The following SNX29 variants were observed in gnomAD, a reference collection of about 807,000 sequenced individuals.
SNX29 encodes sorting nexin 29.
A neutral mutation model predicts 102.1 loss-of-function variants in SNX29; 78 were observed. That is an observed-to-expected ratio of 0.76 (90% CI 0.64 to 0.92). The LOEUF (loss-of-function observed/expected upper bound fraction) is 0.92. SNX29 is among the 40% of genes least tolerant of loss of function. The pLI is 0.00. For synonymous variants in SNX29, 580 were observed against 414.5 expected, an observed-to-expected ratio of 1.40 and a Z score of -4.85; for missense variants, 1,280 against 1,061.7, an observed-to-expected ratio of 1.21 and a Z score of -2.86.
intron 18 of SNX29, among the ~76,000 whole-genome samples, chr16:12,455,679 G>A (rs1424301966): frequency 6.6e-6 from 1 of 152,240 alleles, no homozygotes; most frequent in Admixed American, 6.5e-5. Flanking sequence ...GCAGAAGGCT[G>A]GAGGAGGTGT....
intron 17 of SNX29, 114 bp from the exon 18 acceptor site, chr16:12,403,334 C>A: frequency 5.8e-6 from 5 of 860,070 alleles, no homozygotes; most frequent in East Asian, 7.6e-5. Context: ...TCATAAATTG[C>A]TTGTGCATAA....
intron 13 of SNX29, among the ~76,000 whole-genome samples, chr16:12,152,970 C>G (rs1810832889): frequency 6.6e-6 from 1 of 152,186 alleles, no homozygotes; most frequent in Admixed American, 6.5e-5. Context: ...TAGAACGTCC[C>G]CTGCCATCCA....
At chr16:12,224,291 C>T (rs1039762524) in intron 14 of SNX29, among the ~76,000 whole-genome samples, 5 of 152,122 alleles carry the variant, frequency 3.3e-5, no homozygotes, top group Non-Finnish European at 5.9e-5. Flanking sequence ...TTCCTCCCTC[C>T]TTCTTTCTCT....
chr16:12,243,444 A>G (rs1208115191), intron 14 of SNX29, among the ~76,000 whole-genome samples: 4 of 152,154 alleles, frequency 2.6e-5, no homozygotes, highest in African/African-American at 9.7e-5. Flanking sequence ...GAATTTATTA[A>G]TAGTTTAATA....
intron 1 of SNX29, among the ~76,000 whole-genome samples, chr16:11,992,744 C>T (rs2055902417): frequency 6.6e-6 from 1 of 152,208 alleles, no homozygotes; most frequent in African/African-American, 2.4e-5. Flanking sequence ...ACTCAAAGAG[C>T]ATTGCCTTCT....
intron 4 of SNX29, 91 bp downstream of exon 4, chr16:12,027,535 G>A (rs2057227923): frequency 6.7e-7 from 1 of 1,501,294 alleles, no homozygotes; most frequent in African/African-American, 1.4e-5. Context: ...GCAGGGCAGT[G>A]ATCGCGTGGG....
chr16:12,541,606 T>C (rs957032588), intron 20 of SNX29, among the ~76,000 whole-genome samples: 3 of 152,180 alleles, frequency 2.0e-5, no homozygotes, highest in African/African-American at 7.2e-5. Context: ...GGTCACACTC[T>C]GGGCCACATC....
chr16:12,120,031 C>G (rs1027231633), intron 11 of SNX29, among the ~76,000 whole-genome samples: 12 of 152,090 alleles, frequency 7.9e-5, no homozygotes, highest in African/African-American at 2.9e-4. Flanking sequence ...AGAATAGAAA[C>G]TCTGGGTGGG....
At chr16:12,448,035 G>A (rs1433703770) in intron 18 of SNX29, among the ~76,000 whole-genome samples, 1 of 152,182 alleles carries the variant, frequency 6.6e-6, no homozygotes, top group Non-Finnish European at 1.5e-5. Context: ...GCGTTCCCGG[G>A]ATTGTGCTGA....
At position 12,570,313 on chromosome 16, in the gene SNX29, C is replaced by T. The variant is rs753489438; in HGVS notation, c.*1684C>T. ...GCGAGTGTGGAGGACCCGAGACATC[C>T]TGTAAAGGCAACTTGGTCTCCCTCC... On this transcript the variant is annotated 3_prime_UTR_variant, in exon 21 of 21. Coordinates refer to ENST00000566228, the MANE Select transcript of SNX29 (RefSeq NM_032167.5). 2.9e-5 allele frequency: 29 copies of T among 992,594 alleles called. No individual in the cohort carries two copies. Among genetic ancestry groups the T allele is most frequent in the Middle Eastern group, 8.9e-4 (2 of 2,246 alleles). 61.5% of individuals were successfully genotyped at this position (992,594 alleles called of 1,614,324 possible).
intron 13 of SNX29, among the ~76,000 whole-genome samples, chr16:12,170,168 G>A (rs1358710508): frequency 6.6e-6 from 1 of 152,070 alleles, no homozygotes; most frequent in Non-Finnish European, 1.5e-5. Flanking sequence ...GTCCCCTGGG[G>A]TTGAAATTGC....
chr16:12,449,560 C>T (rs1369755040), intron 18 of SNX29, among the ~76,000 whole-genome samples: 1 of 152,086 alleles, frequency 6.6e-6, no homozygotes, highest in East Asian at 1.9e-4. Context: ...CTTGGGGTAA[C>T]CTGGCTGCAG....
intron 18 of SNX29, among the ~76,000 whole-genome samples, chr16:12,476,393 T>TATATATATAC (rs2087620788): frequency 6.2e-5 from 1 of 16,070 alleles, no homozygotes; most frequent in Non-Finnish European, 9.1e-5. Context: ...AATATATATA[T>TATATATATAC]ATATATATAT....
intron 14 of SNX29, among the ~76,000 whole-genome samples, chr16:12,244,420 C>G (rs1256993503): frequency 3.3e-5 from 5 of 152,076 alleles, no homozygotes; most frequent in African/African-American, 1.2e-4. Flanking sequence ...ACCAGCCTGG[C>G]CAACATGGAG....
intron 15 of SNX29, among the ~76,000 whole-genome samples, chr16:12,332,245 T>C (rs2081311909): frequency 1.3e-5 from 2 of 152,002 alleles, no homozygotes; most frequent in Non-Finnish European, 2.9e-5. Flanking sequence ...TGCGTCCTTG[T>C]GTGTGTTTGT....
rs1187626152 is a variant in SNX29 at position 12,408,168 on chromosome 16, AC to A, written c.2037+4640del. The stretch of plus-strand genomic sequence containing the variant: ...AGCAGGACCCTTCTCAAAAAAACAA[AC>A]AAACAAACAAAAAAAAAACTAGAAG... On this transcript the variant is annotated intron_variant, in intron 18 of 20. Coordinates refer to ENST00000566228, the MANE Select transcript of SNX29 (RefSeq NM_032167.5). 4.1e-4 allele frequency among the ~76,000 whole-genome samples: 61 copies of A among 150,006 alleles called. 1 individual carries two copies. The highest frequency in any genetic ancestry group is 1.3e-3 in the African/African-American group (52 of 39,788).
chr16:12,052,541 GT>G (rs1292723839), intron 8 of SNX29: 1 of 322,848 alleles, frequency 3.1e-6, no homozygotes, highest in Non-Finnish European at 6.0e-6. Context: ...TAATGAGGGG[GT>G]TAAGTTCACT....
chr16:12,501,914 A>G (rs1033678720), intron 19 of SNX29, among the ~76,000 whole-genome samples: 2 of 152,088 alleles, frequency 1.3e-5, no homozygotes, highest in African/African-American at 2.4e-5. Context: ...GATCCAGTTA[A>G]GCTAAGAAGC....
rs554950723 is a variant in SNX29, at chr16:12,084,294, C to T, written c.1402+5379C>T. ...ATGAGTAGCTGGGATTACAGATGCC[C>T]GCCACCACACCCAGCTAATTTTTGT... On this transcript the variant is annotated intron_variant, in intron 11 of 20. Transcript: ENST00000566228. Among the ~76,000 whole-genome samples, 345 of 152,146 alleles carry T rather than the reference C, an allele frequency of 2.3e-3. 1 individual carries two copies. Among genetic ancestry groups the T allele is most frequent in the African/African-American group, 7.9e-3 (327 of 41,504 alleles).
Sources: allele counts gnomAD v4.1 joint callset (sites outside exome capture counted in the v4.1 genomes callset), GRCh38; gene constraint gnomAD v4.1.1; transcripts MANE v1.5; gene names NCBI Gene and HGNC (gene_info 2026-07-23, HGNC 2026-07-21).